The following SIM1 variants were observed in gnomAD, a reference collection of about 807,000 sequenced individuals.
SIM1 encodes the protein SIM bHLH transcription factor 1.
A neutral mutation model predicts 78.2 loss-of-function variants in SIM1; 18 were observed. That is an observed-to-expected ratio of 0.23 (90% CI 0.16 to 0.34). The LOEUF (loss-of-function observed/expected upper bound fraction) is 0.34. Ranked by LOEUF, SIM1 falls within the 10% of genes least tolerant of loss-of-function variation. The pLI is 1.00. For synonymous variants in SIM1, 417 were observed against 385.2 expected (o/e 1.08, Z -0.97); for missense variants, 939 against 975.1 (o/e 0.96, Z 0.49).
At chr6:100,395,074 C>T (rs1309023202) in intron 10 of SIM1, among the ~76,000 whole-genome samples, 1 of 152,058 alleles carries the variant, frequency 6.6e-6, no homozygotes, top group African/African-American at 2.4e-5. Context: ...TGATAGATCT[C>T]CCTAGGAAGT....
Position 100,393,736 on chromosome 6 carries a change from CCGAA to C in SIM1, c.1317_1320del (p.Phe439LeufsTer59), listed in dbSNP as rs1424137768. 2 of 1,614,256 alleles carry C rather than the reference CCGAA, an allele frequency of 1.2e-6. No individual in the cohort carries two copies. The highest frequency in any genetic ancestry group is 3.3e-5 in the Admixed American group (2 of 60,036). On this transcript the variant is annotated frameshift_variant, in exon 11 of 12. Coordinates refer to ENST00000369208, the MANE Select transcript of SIM1 (RefSeq NM_005068.3). LOFTEE classifies it high-confidence loss of function. ...AAGCCATAGCAGAGAGAGCTGCGGT[CCGAA>C]AACTGTCTGTAGGCGCACGATGCGT... is the stretch of plus-strand genomic sequence containing the variant.
At chr6:100,427,926 A>G (rs1417973129) in intron 9 of SIM1, among the ~76,000 whole-genome samples, 1 of 152,236 alleles carries the variant, frequency 6.6e-6, no homozygotes, top group Non-Finnish European at 1.5e-5. Context: ...CACATAGAAC[A>G]GATGCTCACT....
chr6:100,412,677 GAAAGAAAA>G lies in SIM1; in HGVS notation c.1167+8105_1167+8112del, dbSNP rs1416725636. The stretch of plus-strand genomic sequence containing the variant: ...AGAAAGAGAGAGAGAGAGAGAGAAA[GAAAGAAAA>G]AGAAAGAAAGAAAGAAAGAAAGAAA... On this transcript the variant is annotated intron_variant, in intron 10 of 11. Coordinates refer to ENST00000369208, the MANE Select transcript of SIM1 (RefSeq NM_005068.3). Among the ~76,000 whole-genome samples, 322 of 101,916 alleles carry G rather than the reference GAAAGAAAA, an allele frequency of 3.2e-3. 5 individuals carry two copies. Among genetic ancestry groups the G allele is most frequent in the African/African-American group, 5.3e-3 (138 of 26,154 alleles). The allele number at this position is 101,916 out of a possible 152,430, so 66.9% of individuals were successfully genotyped here.
At chr6:100,398,004 A>C (rs1181928456) in intron 10 of SIM1, among the ~76,000 whole-genome samples, 1 of 152,128 alleles carries the variant, frequency 6.6e-6, no homozygotes, top group Non-Finnish European at 1.5e-5. Flanking sequence ...ATAAAAAATA[A>C]TGACAACACC....
At position 100,390,753 on chromosome 6, in the gene SIM1, C is replaced by T; in HGVS notation, c.1909G>A (p.Glu637Lys). The T allele has an allele frequency of 6.2e-7, 1 of 1,614,144 alleles. No homozygotes were observed. Among genetic ancestry groups the T allele is most frequent in the Non-Finnish European group, 8.5e-7 (1 of 1,180,040 alleles). The change falls in exon 12 of 12, where the codon GAG becomes AAG. Residue 637 changes from glutamate to lysine, a missense_variant. Glu to Lys is a moderately conservative substitution (Grantham distance 56, BLOSUM62 1). Transcript: ENST00000369208. ...TCATGGGGGCTCAACATTTTTCCCT[C>T]TCTCTGCTGGATATGGTCACATGGT... is the stretch of plus-strand genomic sequence containing the variant. ...TSPCDHIQQREGKMLSPHEND... is the reference protein window; with the variant it reads ...TSPCDHIQQRKGKMLSPHEND...
chr6:100,404,868 CTA>C (rs1258398596), intron 10 of SIM1, among the ~76,000 whole-genome samples: 1 of 152,176 alleles, frequency 6.6e-6, no homozygotes. Flanking sequence ...CTGATGGAAA[CTA>C]TGTGCCTGTG....
chr6:100,453,897 G>A, intron 2 of SIM1, 53 bp from the exon 3 acceptor site: 1 of 1,409,716 alleles, frequency 7.1e-7, no homozygotes, highest in South Asian at 1.2e-5. Flanking sequence ...CTGACAGGCA[G>A]TTTGGGACCA....
In SIM1 at chr6:100,390,454, G is replaced by A; in HGVS notation, c.2208C>T (p.Gly736=). The A allele has an allele frequency of 6.2e-7, 1 of 1,614,124 alleles. No homozygotes were observed. Among genetic ancestry groups the A allele is most frequent in the South Asian group, 1.1e-5 (1 of 91,082 alleles). The part of the protein sequence containing the change: ...TIRNYSLGCN[G]SHFDVTSHLR... ...GATGGGAAGTTACATCAAAGTGTGA[G>A]CCATTACAGCCCAAGGAATAGTTTC... is the stretch of plus-strand genomic sequence containing the variant. The change falls in exon 12 of 12, where the codon GGC becomes GGT. Residue 736 remains glycine, a synonymous_variant. Transcript: ENST00000369208.
chr6:100,408,882 G>T (rs1401042506), intron 10 of SIM1, among the ~76,000 whole-genome samples: 2 of 152,012 alleles, frequency 1.3e-5, no homozygotes, highest in Non-Finnish European at 2.9e-5. Flanking sequence ...TTTTCTTGTG[G>T]TGTCCTTTTT....
At chr6:100,437,880 G>C (rs1474111095) in intron 9 of SIM1, among the ~76,000 whole-genome samples, 1 of 152,136 alleles carries the variant, frequency 6.6e-6, no homozygotes, top group African/African-American at 2.4e-5. Context: ...GTGTGGGTTT[G>C]AGGATATAGA....
rs149061307 is a variant in SIM1 at position 100,386,556 on chromosome 6, T to G, written c.*3805A>C. The G allele has an allele frequency of 6.6e-6, 1 of 152,086 alleles. No homozygotes were observed. Among genetic ancestry groups the G allele is most frequent in the African/African-American group, 2.4e-5 (1 of 41,428 alleles). The allele number at this position is 152,086 out of a possible 1,614,324, so 9.4% of individuals were successfully genotyped here. A position where few individuals can be genotyped will look rare whatever the true frequency, so the allele number is the denominator to read the frequency against. ...ATATTTTCCAAATGGTCTTGTACTATAATTGATCCTCATCCCCCATAAGAA... is the reference window on the plus strand; with the variant it reads ...ATATTTTCCAAATGGTCTTGTACTAGAATTGATCCTCATCCCCCATAAGAA... On this transcript the variant is annotated 3_prime_UTR_variant, in exon 12 of 12. Coordinates refer to ENST00000369208, the MANE Select transcript of SIM1 (RefSeq NM_005068.3).
chr6:100,395,457 A>G (rs940262159), intron 10 of SIM1, among the ~76,000 whole-genome samples: 1 of 152,218 alleles, frequency 6.6e-6, no homozygotes, highest in Non-Finnish European at 1.5e-5. Context: ...TTTACATTTC[A>G]GATAAAACAG....
intron 10 of SIM1, among the ~76,000 whole-genome samples, chr6:100,412,611 GGAAAGAAAGAAGGAA>G (rs1771240646): frequency 1.5e-4 from 10 of 67,636 alleles, no homozygotes; most frequent in African/African-American, 5.9e-4. Context: ...AAGAAAGAAA[GGAAAGAAAGAAGGAA>G]AGAAAGAAAG....
intron 9 of SIM1, among the ~76,000 whole-genome samples, chr6:100,429,327 C>T (rs140594450): frequency 2.0e-5 from 3 of 150,094 alleles, no homozygotes; most frequent in African/African-American, 4.9e-5. Context: ...CAACATTGCA[C>T]CACTGCACTC....
At chr6:100,405,193 A>T (rs1185998858) in intron 10 of SIM1, among the ~76,000 whole-genome samples, 5 of 152,094 alleles carry the variant, frequency 3.3e-5, no homozygotes, top group African/African-American at 9.7e-5. Context: ...ATGAAATTTA[A>T]TTCAATTACA....
intron 2 of SIM1, among the ~76,000 whole-genome samples, chr6:100,458,113 G>C (rs539516651): frequency 2.2e-4 from 33 of 151,368 alleles, no homozygotes; most frequent in Non-Finnish European, 4.7e-4. Flanking sequence ...GCTTCCCGTA[G>C]GGATAGAGCC....
intron 2 of SIM1, among the ~76,000 whole-genome samples, chr6:100,461,632 C>A (rs551050442): frequency 6.6e-6 from 1 of 152,298 alleles, no homozygotes; most frequent in East Asian, 1.9e-4. Flanking sequence ...CTGTTAGGAA[C>A]AGTGCGGCCA....
chr6:100,422,225 G>A (rs934682217), intron 9 of SIM1, among the ~76,000 whole-genome samples: 4 of 151,654 alleles, frequency 2.6e-5, no homozygotes, highest in Non-Finnish European at 4.4e-5. Context: ...TTTTTTAAGA[G>A]AAGTGTCTCA....
chr6:100,462,376 A>C (rs530063823), intron 2 of SIM1, among the ~76,000 whole-genome samples: 1 of 152,358 alleles, frequency 6.6e-6, no homozygotes, highest in Non-Finnish European at 1.5e-5. Context: ...ATTTGAATCC[A>C]AGTAAAGGAA....
Sources: gnomAD v4.1 joint callset for allele counts (sites outside exome capture counted in the v4.1 genomes callset) on GRCh38, gnomAD v4.1.1 for gene constraint, MANE v1.5 for transcripts, NCBI Gene and HGNC (gene_info 2026-07-23, HGNC 2026-07-21) for gene names.